The following ANO6 variants were observed in gnomAD, a reference collection of about 807,000 sequenced individuals.
ANO6 encodes anoctamin-6.
Under a neutral mutation model 117.5 loss-of-function variants are expected in ANO6, and 106 were observed. The observed-to-expected ratio is 0.90, with a 90% CI of 0.77 to 1.06. The LOEUF (loss-of-function observed/expected upper bound fraction) is 1.06. Ranked by LOEUF, ANO6 falls within the 50% of genes least tolerant of loss-of-function variation. ANO6 has a pLI of 0.00. For synonymous variants in ANO6, 367 were observed against 385.1 expected (o/e 0.95, Z 0.55); for missense variants, 955 against 1,121.1 (o/e 0.85, Z 2.12).
chr12:45,322,966 G>A (rs1940332028), intron 2 of ANO6, among the ~76,000 whole-genome samples: 1 of 152,084 alleles, frequency 6.6e-6, no homozygotes, highest in South Asian at 2.1e-4. Flanking sequence ...CTGCCAAGAG[G>A]CTTTGTGCCA....
intron 1 of ANO6, among the ~76,000 whole-genome samples, chr12:45,223,392 T>C (rs1039226283): frequency 2.5e-4 from 38 of 152,174 alleles, no homozygotes; most frequent in African/African-American, 8.7e-4. Flanking sequence ...TGCTTGCTTG[T>C]TGCTGGGGAG....
chr12:45,413,563 T>C lies in ANO6; in HGVS notation c.2012-3136T>C, dbSNP rs529418017. ...TGCCTAGCAGGAATATCAAGAGAGA[T>C]GGACAGAGAATTGATGATGAGGCCC... On this transcript the variant is annotated intron_variant, in intron 16 of 19. Transcript: ENST00000320560. 1.5e-4 allele frequency among the ~76,000 whole-genome samples: 23 copies of C among 152,042 alleles called. No individual in the cohort carries two copies. In the South Asian group the frequency reaches 4.6e-3, roughly 30 times the overall value.
At position 45,314,913 on chromosome 12, in the gene ANO6, CA is replaced by C. The variant is rs1939971226; in HGVS notation, c.150+12823del. On this transcript the variant is annotated intron_variant, in intron 2 of 19. Transcript: ENST00000320560. ...AGTGGATGTATTACAGGAGGGTGCC[CA>C]AATAGCATTACATGAACATATCAGT... Among the ~76,000 whole-genome samples the C allele has an allele frequency of 3.9e-5, 6 of 152,130 alleles. No individual in the cohort carries two copies. In the South Asian group the frequency reaches 1.0e-3, roughly 26 times the overall value.
chr12:45,314,273 CATTTAAAAGA>C (rs1939942417), intron 2 of ANO6, among the ~76,000 whole-genome samples: 1 of 151,778 alleles, frequency 6.6e-6, no homozygotes, highest in African/African-American at 2.4e-5. Context: ...GTTTATATAA[CATTTAAAAGA>C]TGACCATAAT....
At chr12:45,370,741 T>G (rs949743991) in intron 9 of ANO6, among the ~76,000 whole-genome samples, 12 of 152,198 alleles carry the variant, frequency 7.9e-5, no homozygotes, top group African/African-American at 2.9e-4. Flanking sequence ...ATTTGAAATA[T>G]GTGGTCTTAT....
intron 7 of ANO6, among the ~76,000 whole-genome samples, 161 bp from the exon 8 acceptor site, chr12:45,357,129 G>A (rs569094373): frequency 7.9e-5 from 12 of 152,272 alleles, no homozygotes; most frequent in Admixed American, 5.2e-4. Flanking sequence ...TTGTTTCATC[G>A]TAGAATTCAG....
At chr12:45,221,310 A>G (rs556959099) in intron 1 of ANO6, among the ~76,000 whole-genome samples, 2 of 152,310 alleles carry the variant, frequency 1.3e-5, no homozygotes, top group East Asian at 1.9e-4. Context: ...GAGATTTGCA[A>G]TAAAAGGTAC....
At chr12:45,373,277 C>T (rs997578664) in intron 9 of ANO6, among the ~76,000 whole-genome samples, 11 of 151,978 alleles carry the variant, frequency 7.2e-5, no homozygotes, top group African/African-American at 2.7e-4. Context: ...CTTTAACACC[C>T]CACTGTCAAC....
At chr12:45,332,933 T>C (rs1228586090) in intron 3 of ANO6, among the ~76,000 whole-genome samples, 1 of 152,048 alleles carries the variant, frequency 6.6e-6, no homozygotes, top group Non-Finnish European at 1.5e-5. Context: ...TGGGTAGCTA[T>C]GTGACTTAGG....
intron 2 of ANO6, among the ~76,000 whole-genome samples, chr12:45,323,386 G>T (rs769139951): frequency 6.6e-6 from 1 of 152,162 alleles, no homozygotes; most frequent in Non-Finnish European, 1.5e-5. Context: ...ACAGCTAAAA[G>T]AAGTAATCCC....
chr12:45,295,096 C>T (rs935409674), intron 1 of ANO6, among the ~76,000 whole-genome samples: 3 of 152,164 alleles, frequency 2.0e-5, no homozygotes, highest in African/African-American at 4.8e-5. Context: ...AACCATGTAG[C>T]GCTCTTATGA....
intron 3 of ANO6, among the ~76,000 whole-genome samples, chr12:45,345,816 T>C (rs1242936790): frequency 6.6e-6 from 1 of 152,132 alleles, no homozygotes; most frequent in Non-Finnish European, 1.5e-5. Context: ...TTTGTGCTGC[T>C]GTAACAGAAT....
Position 45,391,522 on chromosome 12 carries a change from G to A in ANO6, c.1386+1024G>A, listed in dbSNP as rs193057984. On this transcript the variant is annotated intron_variant, in intron 12 of 19. Coordinates refer to ENST00000320560, the MANE Select transcript of ANO6 (RefSeq NM_001025356.3). ...TTAGCTATTTGGGGGGACAATAAAT[G>A]TTAAAGTCTTACTTTAAACCATATA... 2.1e-3 allele frequency among the ~76,000 whole-genome samples: 319 copies of A among 152,154 alleles called. 1 individual carries two copies. The highest frequency in any genetic ancestry group is 7.4e-3 in the African/African-American group (306 of 41,512).
At chr12:45,434,633 A>T (rs1943687070), downstream of ANO6, among the ~76,000 whole-genome samples, 1 of 152,246 alleles carries the variant, frequency 6.6e-6, no homozygotes, top group Non-Finnish European at 1.5e-5. Flanking sequence ...AATTAAACAA[A>T]GGGAAATCTC....
intron 2 of ANO6, among the ~76,000 whole-genome samples, chr12:45,306,963 G>A (rs1939690633): frequency 1.3e-5 from 2 of 152,092 alleles, no homozygotes; most frequent in South Asian, 2.1e-4. Context: ...ATTCCCAGCA[G>A]AAGGAGTAGC....
intron 2 of ANO6, among the ~76,000 whole-genome samples, chr12:45,308,109 G>A (rs1366376845): frequency 6.1e-5 from 8 of 130,168 alleles, no homozygotes; most frequent in African/African-American, 2.3e-4. Context: ...GTAGTACCCG[G>A]AAGGGTGATT....
chr12:45,273,466 T>G (rs1938453345), intron 1 of ANO6, among the ~76,000 whole-genome samples: 1 of 152,228 alleles, frequency 6.6e-6, no homozygotes, highest in Non-Finnish European at 1.5e-5. Context: ...TTTGCTCTTT[T>G]CGTTTGATTC....
chr12:45,361,477 G>C (rs1192211326), intron 8 of ANO6, among the ~76,000 whole-genome samples: 1 of 152,076 alleles, frequency 6.6e-6, no homozygotes, highest in Non-Finnish European at 1.5e-5. Context: ...ATGTCATACT[G>C]TCTGTGAACA....
chr12:45,257,352 C>T (rs991497612), intron 1 of ANO6, among the ~76,000 whole-genome samples: 1 of 152,204 alleles, frequency 6.6e-6, no homozygotes, highest in Non-Finnish European at 1.5e-5. Context: ...TAACCCCAGT[C>T]TGCCCGTCCT....
Sources: gnomAD v4.1 joint callset for allele counts (sites outside exome capture counted in the v4.1 genomes callset) on GRCh38, gnomAD v4.1.1 for gene constraint, MANE v1.5 for transcripts, NCBI Gene and HGNC (gene_info 2026-07-23, HGNC 2026-07-21) for gene names.